LEKR1: variants seen among roughly 807,000 people sequenced by gnomAD.
LEKR1 encodes the protein protein LEKR1.
In LEKR1, 59 loss-of-function variants were observed where a neutral mutation model predicts 72.4. That is an observed-to-expected ratio of 0.82 (90% confidence interval 0.66 to 1.01). LEKR1 has a LOEUF of 1.01. LEKR1 is among the 50% of genes least tolerant of loss of function. The probability of loss-of-function intolerance (pLI) is 0.00; values close to 1 mark genes in which losing one functional copy is unlikely to be tolerated. For missense variants in LEKR1, 728 were observed against 759.2 expected (o/e 0.96, Z 0.48); for synonymous variants, 257 against 263.2 (o/e 0.98, Z 0.23).
chr3:156,997,917 G>T (rs570044660), intron 9 of LEKR1, among the ~76,000 whole-genome samples: 1 of 152,318 alleles, frequency 6.6e-6, no homozygotes, highest in East Asian at 1.9e-4. Flanking sequence ...GAAAGGTAGG[G>T]AAGAATCTTC....
At chr3:156,857,567 A>G (rs1332279800) in intron 3 of LEKR1, among the ~76,000 whole-genome samples, 1 of 152,208 alleles carries the variant, frequency 6.6e-6, no homozygotes, top group Non-Finnish European at 1.5e-5. Context: ...TTTTCAAAAT[A>G]CATACCAGTT....
At chr3:156,985,842 CAAAAA>C (rs34169262) in intron 7 of LEKR1, among the ~76,000 whole-genome samples, 24 of 119,512 alleles carry the variant, frequency 2.0e-4, no homozygotes, top group Admixed American at 3.4e-4. Flanking sequence ...GACTCTGTGT[CAAAAA>C]AAAAAAAAAA....
intron 6 of LEKR1, chr3:156,977,550 A>T (rs1023214789): frequency 2.9e-6 from 1 of 350,418 alleles, no homozygotes; most frequent in African/African-American, 2.2e-5. Flanking sequence ...TTGGTGGATA[A>T]CTCAAAGGAA....
intron 6 of LEKR1, among the ~76,000 whole-genome samples, chr3:156,944,410 A>G (rs1726501296): frequency 6.6e-6 from 1 of 151,800 alleles, no homozygotes; most frequent in African/African-American, 2.4e-5. Flanking sequence ...TGTTTTACAT[A>G]CAATTAATTT....
chr3:157,011,553 A>T lies in LEKR1; in HGVS notation c.1203+47A>T, dbSNP rs373912698. 380 of 1,308,470 alleles carry T rather than the reference A, an allele frequency of 2.9e-4. 4 individuals are homozygous for T. In the African/African-American group the frequency reaches 5.0e-3, roughly 17 times the overall value. The allele number at this position is 1,308,470 out of a possible 1,614,324, so 81.1% of individuals were successfully genotyped here. The stretch of plus-strand genomic sequence containing the variant: ...TCAGCATGCAACCTATTTGCATTTT[A>T]AAAATTCTGACCATTTGTCAGAAGA... On this transcript the variant is annotated intron_variant, in intron 10 of 12. Coordinates refer to ENST00000356539, the MANE Select transcript of LEKR1 (RefSeq NM_001004316.3).
chr3:156,964,056 G>A (rs1043522225), intron 6 of LEKR1, among the ~76,000 whole-genome samples: 23 of 152,102 alleles, frequency 1.5e-4, no homozygotes, highest in African/African-American at 5.3e-4. Flanking sequence ...TATAAGATGG[G>A]TATGAGTATG....
intron 6 of LEKR1, among the ~76,000 whole-genome samples, chr3:156,952,523 AG>A (rs1727255696): frequency 6.6e-6 from 1 of 151,460 alleles, no homozygotes; most frequent in African/African-American, 2.4e-5. Context: ...GAAACTACTA[AG>A]GTAGTGATTT....
chr3:156,996,824 G>C (rs1211218841), intron 9 of LEKR1, among the ~76,000 whole-genome samples: 1 of 152,112 alleles, frequency 6.6e-6, no homozygotes, highest in Non-Finnish European at 1.5e-5. Flanking sequence ...CAGCACTCTG[G>C]GAGGCCAAGG....
intron 6 of LEKR1, among the ~76,000 whole-genome samples, chr3:156,952,718 A>G (rs548924154): frequency 5.6e-4 from 85 of 151,654 alleles, no homozygotes; most frequent in African/African-American, 1.9e-3. Flanking sequence ...AGGAATTAAC[A>G]TGTAGATATG....
intron 3 of LEKR1, among the ~76,000 whole-genome samples, chr3:156,910,570 G>A (rs1027036172): frequency 2.6e-5 from 4 of 152,190 alleles, no homozygotes; most frequent in African/African-American, 9.7e-5. Context: ...ATGTCTAGGT[G>A]ACAAACCTGC....
chr3:156,862,709 T>G (rs1716904650), intron 3 of LEKR1, among the ~76,000 whole-genome samples: 1 of 152,080 alleles, frequency 6.6e-6, no homozygotes, highest in African/African-American at 2.4e-5. Flanking sequence ...ACAAAGGAAG[T>G]TCTTGAGTCT....
chr3:156,988,952 C>A (rs1730931686), intron 7 of LEKR1, among the ~76,000 whole-genome samples: 1 of 152,100 alleles, frequency 6.6e-6, no homozygotes, highest in African/African-American at 2.4e-5. Flanking sequence ...CTGCCTCAGC[C>A]TCCCGAGTAG....
chr3:156,873,134 C>T (rs1368887405), intron 3 of LEKR1, among the ~76,000 whole-genome samples: 1 of 151,826 alleles, frequency 6.6e-6, no homozygotes, highest in Non-Finnish European at 1.5e-5. Flanking sequence ...TTGTTATATG[C>T]TGTTGATGAA....
intron 6 of LEKR1, among the ~76,000 whole-genome samples, chr3:156,958,155 T>A (rs1056784903): frequency 6.6e-6 from 1 of 152,074 alleles, no homozygotes; most frequent in East Asian, 1.9e-4. Flanking sequence ...ACCAGGTTGG[T>A]TTTTTTGTTT....
chr3:156,876,445 GA>G (rs1361082450), intron 3 of LEKR1, among the ~76,000 whole-genome samples: 1 of 152,050 alleles, frequency 6.6e-6, no homozygotes, highest in Non-Finnish European at 1.5e-5. Context: ...TCACAATATT[GA>G]TTCATCCATG....
chr3:156,856,919 A>T (rs1440396072), intron 3 of LEKR1, among the ~76,000 whole-genome samples: 4 of 151,820 alleles, frequency 2.6e-5, no homozygotes, highest in Non-Finnish European at 4.4e-5. Flanking sequence ...TTCTTGTCTT[A>T]TTAAATTAGA....
intron 3 of LEKR1, among the ~76,000 whole-genome samples, chr3:156,900,889 T>A (rs1721963778): frequency 6.6e-6 from 1 of 152,218 alleles, no homozygotes; most frequent in Admixed American, 6.5e-5. Flanking sequence ...CATTTATAAA[T>A]GTATAATTGG....
chr3:156,915,916 C>G (rs2108570607), intron 3 of LEKR1, among the ~76,000 whole-genome samples: 1 of 152,208 alleles, frequency 6.6e-6, no homozygotes, highest in Admixed American at 6.5e-5. Flanking sequence ...AGTCTTTAAT[C>G]CATCTTGAGT....
chr3:156,996,116 T>C (rs896461029), intron 9 of LEKR1, among the ~76,000 whole-genome samples: 1 of 151,986 alleles, frequency 6.6e-6, no homozygotes, highest in South Asian at 2.1e-4. Flanking sequence ...GTACCCTGGG[T>C]ACATAGTACA....
Sources: gnomAD v4.1 joint callset for allele counts (sites outside exome capture counted in the v4.1 genomes callset) on GRCh38, gnomAD v4.1.1 for gene constraint, MANE v1.5 for transcripts, NCBI Gene and HGNC (gene_info 2026-07-23, HGNC 2026-07-21) for gene names.